The following CLCN3 variants were observed in gnomAD, a reference collection of about 807,000 sequenced individuals.
The protein encoded by CLCN3 is Cl-/H+ antiporter 3.
A neutral mutation model predicts 83.4 loss-of-function variants in CLCN3; 16 were observed. The observed-to-expected ratio is 0.19, with a 90% CI of 0.13 to 0.29. The LOEUF is 0.29. Ranked by LOEUF, CLCN3 falls within the 10% of genes least tolerant of loss-of-function variation. The pLI, the probability that CLCN3 is intolerant of heterozygous loss-of-function variation, is 1.00. For synonymous variants in CLCN3, 322 were observed against 346.2 expected (o/e 0.93, Z 0.78); for missense variants, 544 against 1,006.0 (o/e 0.54, Z 6.21).
chr4:169,624,282 C>T (rs989147569), intron 1 of CLCN3, among the ~76,000 whole-genome samples: 1 of 152,106 alleles, frequency 6.6e-6, no homozygotes, highest in Non-Finnish European at 1.5e-5. Context: ...TACAGGCACG[C>T]GCCACCACTC....
intron 1 of CLCN3, among the ~76,000 whole-genome samples, chr4:169,621,544 T>C (rs1199698364): frequency 6.6e-6 from 1 of 152,040 alleles, no homozygotes; most frequent in Non-Finnish European, 1.5e-5. Context: ...CTGCGGAGCA[T>C]ATAGAAGATA....
intron 2 of CLCN3, chr4:169,660,474 T>C: frequency 7.7e-7 from 1 of 1,302,212 alleles, no homozygotes; most frequent in East Asian, 3.0e-5. Flanking sequence ...TGCTGTGAAT[T>C]CTCTGTTGGT....
At chr4:169,706,776 AT>A in intron 10 of CLCN3, 91 bp from the exon 11 acceptor site, 1 of 1,020,138 alleles carries the variant, frequency 9.8e-7, no homozygotes, top group South Asian at 1.6e-5. Flanking sequence ...TCTATTTGCC[AT>A]TTAGTTTTAA....
At chr4:169,684,771 T>C (rs191539303) in intron 3 of CLCN3, among the ~76,000 whole-genome samples, 12 of 152,316 alleles carry the variant, frequency 7.9e-5, no homozygotes, top group African/African-American at 2.2e-4. Context: ...AATTCTTAAA[T>C]CTGCATTTCC....
At chr4:169,623,542 G>C (rs1773158346) in intron 1 of CLCN3, among the ~76,000 whole-genome samples, 1 of 152,152 alleles carries the variant, frequency 6.6e-6, no homozygotes, top group Non-Finnish European at 1.5e-5. Context: ...TTAACTTTTA[G>C]CAATTTTGAG....
chr4:169,700,362 A>T (rs527820078), intron 9 of CLCN3, among the ~76,000 whole-genome samples: 1 of 152,260 alleles, frequency 6.6e-6, no homozygotes, highest in Admixed American at 6.5e-5. Context: ...GGTTCAAGCG[A>T]TTCTCCTGCC....
intron 2 of CLCN3, among the ~76,000 whole-genome samples, chr4:169,641,110 C>T (rs1581197161): frequency 6.6e-6 from 1 of 151,998 alleles, no homozygotes; most frequent in East Asian, 1.9e-4. Flanking sequence ...AAAATAAAAA[C>T]AGCCTTGGAA....
chr4:169,645,282 C>CTT (rs1034167431), intron 2 of CLCN3, among the ~76,000 whole-genome samples: 2 of 151,552 alleles, frequency 1.3e-5, no homozygotes. Flanking sequence ...GTATTAAAAA[C>CTT]TTTAAGAGTG....
At chr4:169,682,683 C>T (rs765028772) in intron 3 of CLCN3, among the ~76,000 whole-genome samples, 11 of 152,170 alleles carry the variant, frequency 7.2e-5, no homozygotes, top group Admixed American at 2.0e-4. Context: ...GTGATTGAGA[C>T]GTAGCAGTTT....
At chr4:169,650,893 A>G (rs1374738577) in intron 2 of CLCN3, among the ~76,000 whole-genome samples, 2 of 152,208 alleles carry the variant, frequency 1.3e-5, no homozygotes, top group Non-Finnish European at 2.9e-5. Context: ...GTGCGTTTAT[A>G]TAAGAGTAAG....
At chr4:169,660,754 G>A (rs1731029224) in intron 2 of CLCN3, among the ~76,000 whole-genome samples, 1 of 152,172 alleles carries the variant, frequency 6.6e-6, no homozygotes, top group African/African-American at 2.4e-5. Context: ...CTAAAGTCGT[G>A]TTGGTTGGCA....
At chr4:169,624,099 A>G (rs1773171431) in intron 1 of CLCN3, among the ~76,000 whole-genome samples, 1 of 152,192 alleles carries the variant, frequency 6.6e-6, no homozygotes, top group Non-Finnish European at 1.5e-5. Context: ...CCCAGTGCTA[A>G]TGTAATCAGT....
intron 3 of CLCN3, among the ~76,000 whole-genome samples, chr4:169,685,948 C>T (rs544943303): frequency 2.4e-4 from 37 of 152,158 alleles, no homozygotes; most frequent in Admixed American, 2.1e-3. Context: ...TAGAACTTAC[C>T]GTGTCATTTT....
chr4:169,670,681 G>T (rs568258218), intron 2 of CLCN3, among the ~76,000 whole-genome samples: 1 of 152,096 alleles, frequency 6.6e-6, no homozygotes, highest in African/African-American at 2.4e-5. Context: ...TGGGAATAGC[G>T]TTGAATCTAT....
At chr4:169,714,454 C>A (rs1733349378) in intron 12 of CLCN3, among the ~76,000 whole-genome samples, 1 of 151,690 alleles carries the variant, frequency 6.6e-6, no homozygotes, top group Admixed American at 6.6e-5. Flanking sequence ...TAGTTATAGC[C>A]CTACTTTACA....
intron 2 of CLCN3, among the ~76,000 whole-genome samples, chr4:169,645,896 ACTTGTTTATAG>A (rs1730558385): frequency 6.6e-6 from 1 of 152,064 alleles, no homozygotes; most frequent in Admixed American, 6.6e-5. Context: ...TATTTGTCTT[ACTTGTTTATAG>A]CCTGCCCTCC....
At chr4:169,650,624 A>G (rs1013055074) in intron 2 of CLCN3, among the ~76,000 whole-genome samples, 1 of 152,194 alleles carries the variant, frequency 6.6e-6, no homozygotes, top group African/African-American at 2.4e-5. Flanking sequence ...GCTACCATTT[A>G]ATGTCTGTCT....
At chr4:169,660,326 G>GCTTTTT (rs1303004881) in intron 2 of CLCN3, 20 of 1,375,020 alleles carry the variant, frequency 1.5e-5, no homozygotes, top group Middle Eastern at 2.0e-4. Context: ...AAGCTAGCAA[G>GCTTTTT]CTTTTTCTTT....
At chr4:169,703,630 C>T (rs1013016250) in intron 9 of CLCN3, among the ~76,000 whole-genome samples, 22 of 151,592 alleles carry the variant, frequency 1.5e-4, no homozygotes, top group African/African-American at 5.3e-4. Context: ...GCAACTGTCA[C>T]CCAAGTAGTA....
Sources: gnomAD v4.1 joint callset for allele counts (sites outside exome capture counted in the v4.1 genomes callset) on GRCh38, gnomAD v4.1.1 for gene constraint, MANE v1.5 for transcripts, NCBI Gene and HGNC (gene_info 2026-07-23, HGNC 2026-07-21) for gene names.